Variants in UBL3 observed in about 807,000 individuals in gnomAD.
UBL3 encodes ubiquitin like 3.
UBL3 carries 6 observed loss-of-function variants against 18.4 expected under a neutral mutation model. The observed-to-expected ratio is 0.33, with a 90% CI of 0.18 to 0.64. The LOEUF (loss-of-function observed/expected upper bound fraction) is 0.64. Ranked by LOEUF, UBL3 falls within the 30% of genes least tolerant of loss-of-function variation. The pLI is 0.76. For synonymous variants in UBL3, 49 were observed against 46.6 expected, an observed-to-expected ratio of 1.05 and a Z score of -0.21; for missense variants, 109 against 142.9, an observed-to-expected ratio of 0.76 and a Z score of 1.21.
At chr13:29,778,961 C>A (rs901966028) in intron 1 of UBL3, among the ~76,000 whole-genome samples, 1 of 151,988 alleles carries the variant, frequency 6.6e-6, no homozygotes, top group Non-Finnish European at 1.5e-5. Context: ...GGTGAAAAAC[C>A]CTTTCAATAT....
intron 1 of UBL3, among the ~76,000 whole-genome samples, chr13:29,778,026 C>G (rs1225470230): frequency 6.6e-6 from 1 of 152,162 alleles, no homozygotes; most frequent in Non-Finnish European, 1.5e-5. Context: ...CTTAGCCTCT[C>G]GAACTGCTGG....
At chr13:29,824,277 C>A (rs1308139297) in intron 1 of UBL3, among the ~76,000 whole-genome samples, 3 of 152,180 alleles carry the variant, frequency 2.0e-5, no homozygotes, top group African/African-American at 7.2e-5. Flanking sequence ...CTTGAGGAAT[C>A]ACCACACTGT....
intron 1 of UBL3, among the ~76,000 whole-genome samples, chr13:29,830,201 C>G (rs2139357934): frequency 6.6e-6 from 1 of 152,318 alleles, no homozygotes; most frequent in Non-Finnish European, 1.5e-5. Flanking sequence ...GAGACTTCAG[C>G]TGTCCATCTA....
intron 1 of UBL3, among the ~76,000 whole-genome samples, chr13:29,845,029 G>A (rs1879197583): frequency 6.6e-6 from 1 of 151,890 alleles, no homozygotes; most frequent in Non-Finnish European, 1.5e-5. Context: ...AAATATCAGA[G>A]GTGAAATAAA....
intron 1 of UBL3, among the ~76,000 whole-genome samples, chr13:29,806,692 T>C (rs1004016806): frequency 1.3e-5 from 2 of 152,176 alleles, no homozygotes; most frequent in African/African-American, 4.8e-5. Flanking sequence ...TTGGCTTAAA[T>C]TCAGAAATAT....
intron 1 of UBL3, among the ~76,000 whole-genome samples, chr13:29,830,373 G>A (rs965989485): frequency 6.6e-6 from 1 of 152,194 alleles, no homozygotes; most frequent in African/African-American, 2.4e-5. Flanking sequence ...TAGGGAAAAA[G>A]TTTTCCCAGC....
Position 29,767,713 on chromosome 13 carries a change from G to C in UBL3, c.224-18C>G. Reference sequence around the variant, plus strand: ...TTTTAATGCTATGTGAAAAGCAAAAGATGATTAGTTACACATATATCGACC... The same window carrying C: ...TTTTAATGCTATGTGAAAAGCAAAACATGATTAGTTACACATATATCGACC... On this transcript the variant is annotated intron_variant, in intron 3 of 4. Coordinates refer to ENST00000380680, the MANE Select transcript of UBL3 (RefSeq NM_007106.4). The C allele has an allele frequency of 6.2e-7, 1 of 1,606,726 alleles. No individual in the cohort carries two copies.
intron 1 of UBL3, among the ~76,000 whole-genome samples, chr13:29,785,403 A>G (rs1877287693): frequency 6.6e-6 from 1 of 152,094 alleles, no homozygotes. Flanking sequence ...GTCTCTGGTT[A>G]TTTTTCTTAT....
At position 29,772,206 on chromosome 13, in the gene UBL3, G is replaced by A. The variant is rs757083311; in HGVS notation, c.137-8C>T. ...CCTGCTCTTCTTCCCAGTCTGAAAA[G>A]AATCCAGTGTACTGGTTAGGTATAT... is the stretch of plus-strand genomic sequence containing the variant. On this transcript the variant is annotated splice_polypyrimidine_tract_variant and splice_region_variant and intron_variant, in intron 2 of 4. Transcript: ENST00000380680. 5 of 1,608,850 alleles carry A rather than the reference G, an allele frequency of 3.1e-6. No individual in the cohort carries two copies. Among genetic ancestry groups the A allele is most frequent in the African/African-American group, 1.3e-5 (1 of 74,916 alleles).
chr13:29,832,252 T>G (rs1878796122), intron 1 of UBL3, among the ~76,000 whole-genome samples: 1 of 152,118 alleles, frequency 6.6e-6, no homozygotes, highest in South Asian at 2.1e-4. Flanking sequence ...GTAATGAAAT[T>G]TATGAAAGAG....
At chr13:29,777,406 T>G (rs1877029321) in intron 1 of UBL3, 143 bp from the exon 2 acceptor site, 5 of 733,324 alleles carry the variant, frequency 6.8e-6, no homozygotes, top group South Asian at 1.6e-5. Flanking sequence ...TATAAAACTT[T>G]TTTAAAAAGA....
intron 1 of UBL3, among the ~76,000 whole-genome samples, chr13:29,782,193 C>T (rs1003067423): frequency 5.9e-5 from 9 of 152,108 alleles, no homozygotes; most frequent in Admixed American, 4.6e-4. Flanking sequence ...AGATAATGTT[C>T]AATTATCTTT....
chr13:29,843,601 A>G (rs191137578), intron 1 of UBL3, among the ~76,000 whole-genome samples: 9 of 152,348 alleles, frequency 5.9e-5, no homozygotes, highest in Admixed American at 2.0e-4. Flanking sequence ...AAACATTTTT[A>G]TTCAAAGTCA....
chr13:29,813,372 T>C (rs1257828891), intron 1 of UBL3, among the ~76,000 whole-genome samples: 1 of 151,980 alleles, frequency 6.6e-6, no homozygotes, highest in Non-Finnish European at 1.5e-5. Context: ...AATCTTTTTT[T>C]ACAATGAAAA....
intron 1 of UBL3, among the ~76,000 whole-genome samples, chr13:29,844,222 A>G (rs566948068): frequency 6.6e-6 from 1 of 152,314 alleles, no homozygotes; most frequent in South Asian, 2.1e-4. Flanking sequence ...AGAACCTCAC[A>G]GCCAATTCAC....
At chr13:29,823,571 A>G (rs1878535094) in intron 1 of UBL3, among the ~76,000 whole-genome samples, 1 of 152,232 alleles carries the variant, frequency 6.6e-6, no homozygotes, top group Non-Finnish European at 1.5e-5. Context: ...GAAATCACAG[A>G]AAGAATAAAT....
At chr13:29,803,611 A>AG (rs1275756797) in intron 1 of UBL3, among the ~76,000 whole-genome samples, 2 of 137,642 alleles carry the variant, frequency 1.5e-5, no homozygotes, top group African/African-American at 5.4e-5. Context: ...AATGGAAAAC[A>AG]GAAAAAAAAA....
At position 29,767,325 on chromosome 13, in the gene UBL3, G is replaced by T. The variant is rs760040508; in HGVS notation, c.302-18C>A. ...CCTCTGACCTAGGGAAAACGAAGAAGAGCCTCGTTTATAAAAATTCTAGAA... is the reference window on the plus strand; with the variant it reads ...CCTCTGACCTAGGGAAAACGAAGAATAGCCTCGTTTATAAAAATTCTAGAA... On this transcript the variant is annotated intron_variant, in intron 4 of 4. Transcript: ENST00000380680. 6.2e-7 allele frequency: 1 copy of T among 1,612,876 alleles called. No homozygotes were observed. Among genetic ancestry groups the T allele is most frequent in the Non-Finnish European group, 8.5e-7 (1 of 1,179,216 alleles).
chr13:29,819,014 A>C (rs1878357634), intron 1 of UBL3, among the ~76,000 whole-genome samples: 1 of 152,312 alleles, frequency 6.6e-6, no homozygotes. Context: ...CATATCTGGG[A>C]ATATTTATGA....
Sources: allele counts gnomAD v4.1 joint callset (sites outside exome capture counted in the v4.1 genomes callset), GRCh38; gene constraint gnomAD v4.1.1; transcripts MANE v1.5; gene names NCBI Gene and HGNC (gene_info 2026-07-23, HGNC 2026-07-21).